OXR1: variants seen among roughly 807,000 people sequenced by gnomAD.
OXR1 encodes the protein oxidation resistance 1.
In OXR1, 41 loss-of-function variants were observed where a neutral mutation model predicts 104.6. The observed-to-expected ratio is 0.39, with a 90% CI of 0.31 to 0.51. The LOEUF (loss-of-function observed/expected upper bound fraction) is 0.51, where lower values mean the gene tolerates loss of function less well. Among genes scored for constraint, OXR1 ranks in the 20% least tolerant of loss-of-function variants. OXR1 has a pLI of 0.77. For missense variants in OXR1, 955 were observed against 1,031.9 expected (o/e 0.93, Z 1.02); for synonymous variants, 348 against 348.4 (o/e 1.00, Z 0.01).
intron 1 of OXR1, among the ~76,000 whole-genome samples, chr8:106,316,154 C>T: frequency 6.6e-6 from 1 of 152,132 alleles, no homozygotes; most frequent in Non-Finnish European, 1.5e-5. Context: ...AAGAATCTGA[C>T]AATTTCAGAA....
chr8:106,527,763 T>G (rs1177232426), intron 3 of OXR1, among the ~76,000 whole-genome samples: 1 of 152,222 alleles, frequency 6.6e-6, no homozygotes, highest in African/African-American at 2.4e-5. Flanking sequence ...CTTATAACAT[T>G]TTTATAGAGT....
chr8:106,289,262 C>A (rs1306887642), intron 1 of OXR1, among the ~76,000 whole-genome samples: 1 of 152,184 alleles, frequency 6.6e-6, no homozygotes, highest in Non-Finnish European at 1.5e-5. Flanking sequence ...ACCTAGAAAA[C>A]TCCAAAGACT....
intron 2 of OXR1, among the ~76,000 whole-genome samples, chr8:106,366,025 T>A (rs1488030948): frequency 2.0e-5 from 3 of 152,172 alleles, no homozygotes; most frequent in African/African-American, 7.2e-5. Context: ...CTACTAGACC[T>A]GTAACCTTGA....
At chr8:106,447,919 G>C (rs1368549476) in intron 2 of OXR1, 6 of 1,526,746 alleles carry the variant, frequency 3.9e-6, no homozygotes, top group Non-Finnish European at 5.3e-6. Context: ...GTAGTGGGTG[G>C]AGCTAACGAG....
At chr8:106,360,073 T>C (rs933256734) in intron 2 of OXR1, among the ~76,000 whole-genome samples, 1 of 152,152 alleles carries the variant, frequency 6.6e-6, no homozygotes, top group African/African-American at 2.4e-5. Flanking sequence ...CAGATTAAAC[T>C]GAATAGAACT....
rs528177254 is a variant in OXR1, at chr8:106,290,209, C to T, written c.-139+19842C>T. Reference sequence around the variant, plus strand: ...AAAAACAAGCAATAGGGAAAGGACTCCCTATTCAATAAATGGTGCAGACAT... The same window carrying T: ...AAAAACAAGCAATAGGGAAAGGACTTCCTATTCAATAAATGGTGCAGACAT... On this transcript the variant is annotated intron_variant, in intron 1 of 16. Transcript: ENST00000517566. Among the ~76,000 whole-genome samples, 7 of 152,160 alleles carry T rather than the reference C, an allele frequency of 4.6e-5. No individual in the cohort carries two copies. The South Asian group carries it at 6.2e-4, about 14-fold the overall frequency.
At chr8:106,654,702 C>T (rs1824906059) in intron 3 of OXR1, among the ~76,000 whole-genome samples, 2 of 152,122 alleles carry the variant, frequency 1.3e-5, no homozygotes, top group South Asian at 2.1e-4. Flanking sequence ...TTCTTAGATA[C>T]AATGCAAAGC....
intron 8 of OXR1, among the ~76,000 whole-genome samples, chr8:106,704,106 A>G (rs991060995): frequency 6.6e-6 from 1 of 152,160 alleles, no homozygotes; most frequent in African/African-American, 2.4e-5. Context: ...CACCCAACAG[A>G]TATTATTTTG....
intron 1 of OXR1, among the ~76,000 whole-genome samples, chr8:106,316,725 T>TATC (rs1162547846): frequency 0.078 from 5,057 of 64,506 alleles, 98 homozygotes; most frequent in Admixed American, 0.12. Flanking sequence ...ATCATCTATC[T>TATC]ATCTATCTAT....
At chr8:106,350,329 CTTTG>C (rs1342999329) in intron 1 of OXR1, among the ~76,000 whole-genome samples, 3 of 152,012 alleles carry the variant, frequency 2.0e-5, no homozygotes, top group Non-Finnish European at 4.4e-5. Context: ...TTAGGGTGAT[CTTTG>C]TTTGAAGTAA....
intron 3 of OXR1, among the ~76,000 whole-genome samples, chr8:106,656,878 G>A (rs1825141781): frequency 1.3e-5 from 2 of 151,138 alleles, no homozygotes; most frequent in African/African-American, 4.9e-5. Flanking sequence ...GTCTTTAGTA[G>A]TATGGCCAAA....
At chr8:106,331,863 A>C (rs1229749581) in intron 1 of OXR1, among the ~76,000 whole-genome samples, 1 of 151,972 alleles carries the variant, frequency 6.6e-6, no homozygotes, top group South Asian at 2.1e-4. Context: ...TGATGAACCC[A>C]GGAGGCAGAG....
chr8:106,701,998 C>G (rs922291331), intron 7 of OXR1, among the ~76,000 whole-genome samples: 4 of 152,182 alleles, frequency 2.6e-5, no homozygotes, highest in Non-Finnish European at 5.9e-5. Flanking sequence ...GAGATGGAGT[C>G]TCACTCTGTT....
intron 2 of OXR1, among the ~76,000 whole-genome samples, chr8:106,503,854 A>G (rs1056718247): frequency 6.6e-6 from 1 of 152,154 alleles, no homozygotes; most frequent in African/African-American, 2.4e-5. Context: ...AGGTAATGCG[A>G]GCAGAAAGAA....
At chr8:106,494,766 C>T (rs1433409200) in intron 2 of OXR1, among the ~76,000 whole-genome samples, 1 of 152,198 alleles carries the variant, frequency 6.6e-6, no homozygotes, top group Non-Finnish European at 1.5e-5. Flanking sequence ...TGTTAGATGA[C>T]AGCAGAGCTG....
chr8:106,734,370 T>G (rs1431266049), intron 11 of OXR1, among the ~76,000 whole-genome samples: 1 of 152,214 alleles, frequency 6.6e-6, no homozygotes, highest in Non-Finnish European at 1.5e-5. Flanking sequence ...GAATTATATT[T>G]CCTTCTTTAA....
chr8:106,638,742 A>G (rs1823367242), intron 3 of OXR1, among the ~76,000 whole-genome samples: 1 of 152,162 alleles, frequency 6.6e-6, no homozygotes, highest in Admixed American at 6.5e-5. Flanking sequence ...AAACTACAAA[A>G]ATTAGCTGGG....
intron 2 of OXR1, among the ~76,000 whole-genome samples, chr8:106,487,339 C>CTTTTTTTTTTTTTTTTTTTTTTGTTGTT (rs71307062): frequency 7.7e-6 from 1 of 129,210 alleles, no homozygotes; most frequent in Non-Finnish European, 1.6e-5. Flanking sequence ...CCAGGTATTT[C>CTTTTTTTTTTTTTTTTTTTTTTGTTGTT]TTTTTTTTTT....
chr8:106,473,547 T>A (rs1821631182), intron 2 of OXR1, among the ~76,000 whole-genome samples: 1 of 151,846 alleles, frequency 6.6e-6, no homozygotes, highest in South Asian at 2.1e-4. Flanking sequence ...ACTCCTAAAG[T>A]AACCATAAAG....
Sources: allele counts gnomAD v4.1 joint callset (sites outside exome capture counted in the v4.1 genomes callset), GRCh38; gene constraint gnomAD v4.1.1; transcripts MANE v1.5; gene names NCBI Gene and HGNC (gene_info 2026-07-23, HGNC 2026-07-21).